Variants in TRIM22 observed in about 807,000 individuals in gnomAD.
TRIM22 encodes tripartite motif containing 22.
In TRIM22, 45 loss-of-function variants were observed where a neutral mutation model predicts 53.6. The ratio of observed to expected loss-of-function variants is 0.84; its 90% confidence interval spans 0.66 to 1.08. The LOEUF (loss-of-function observed/expected upper bound fraction) is 1.08, where lower values mean the gene tolerates loss of function less well. TRIM22 is among the 50% of genes least tolerant of loss of function. The pLI, the probability that TRIM22 is intolerant of heterozygous loss-of-function variation, is 0.00. For missense variants in TRIM22, 616 were observed against 590.9 expected (o/e 1.04, Z -0.44); for synonymous variants, 225 against 216.6 (o/e 1.04, Z -0.34).
At chr11:5,697,632 C>A (rs1023135857) in intron 3 of TRIM22, 3 of 332,698 alleles carry the variant, frequency 9.0e-6, no homozygotes, top group African/African-American at 4.2e-5. Flanking sequence ...AGGCTCCAAT[C>A]CTTCCAGTAA....
chr11:5,697,241 C>T lies in TRIM22; in HGVS notation c.424-7C>T, dbSNP rs746666286. ...AACTTTACTCTGGTATAATTTATTT[C>T]TTACAGGAAAAGCTGCAGGTAGCCC... On this transcript the variant is annotated splice_polypyrimidine_tract_variant and splice_region_variant and intron_variant, in intron 2 of 7. Transcript: ENST00000379965. 1 of 1,598,664 alleles carries T rather than the reference C, an allele frequency of 6.3e-7. No homozygotes were observed. The highest frequency in any genetic ancestry group is 1.8e-5 in the Admixed American group (1 of 57,052).
In TRIM22 at chr11:5,695,721, A is replaced by T. The variant is rs1332110174; in HGVS notation, c.-66-446A>T. On this transcript the variant is annotated intron_variant, in intron 1 of 7. Transcript: ENST00000379965. Reference sequence around the variant, plus strand: ...TGTAAATACAATTCAATAGCTTAAAAATATGCAAATATTCATGAATCATGC... The same window carrying T: ...TGTAAATACAATTCAATAGCTTAAATATATGCAAATATTCATGAATCATGC... 3.3e-5 allele frequency among the ~76,000 whole-genome samples: 5 copies of T among 152,208 alleles called. No homozygotes were observed. In the East Asian group the frequency reaches 9.6e-4, roughly 29 times the overall value.
At chr11:5,704,610 TAA>T (rs1853429298) in intron 4 of TRIM22, among the ~76,000 whole-genome samples, 1 of 152,124 alleles carries the variant, frequency 6.6e-6, no homozygotes, top group Non-Finnish European at 1.5e-5. Context: ...CTTCATAACT[TAA>T]AAGTGATTTT....
Position 5,709,512 on chromosome 11 carries a change from T to C in TRIM22, c.1361T>C (p.Val454Ala). 2.5e-6 allele frequency: 4 copies of C among 1,614,176 alleles called. No homozygotes were observed. Among genetic ancestry groups the C allele is most frequent in the Non-Finnish European group, 3.4e-6 (4 of 1,180,016 alleles). The change falls in exon 8 of 8, where the codon GTC (valine) becomes GCC (alanine). Residue 454 changes from valine (V) to alanine (A), a missense_variant. Transcript: ENST00000379965. ...TTCCTAGACTATGAGGCAGGCATTG[T>C]CTCATTTTTCAATGTCACAAACCAC... Reference protein sequence around the residue: ...GVFLDYEAGIVSFFNVTNHGA... With the variant: ...GVFLDYEAGIASFFNVTNHGA...
intron 2 of TRIM22, chr11:5,697,041 A>G (rs537145496): frequency 3.7e-6 from 2 of 544,700 alleles, no homozygotes; most frequent in Non-Finnish European, 6.4e-6. Context: ...GCTACTCTTG[A>G]TAAGAGGATG....
chr11:5,708,427 G>C (rs949873192), intron 6 of TRIM22, 150 bp from the exon 7 acceptor site: 1 of 966,156 alleles, frequency 1.0e-6, no homozygotes, highest in South Asian at 1.6e-5. Flanking sequence ...TGTCTTAGGG[G>C]GAATGACCAG....
In TRIM22 at chr11:5,697,237, A is replaced by G; in HGVS notation, c.424-11A>G. The G allele has an allele frequency of 6.3e-7, 1 of 1,595,122 alleles. No individual in the cohort carries two copies. Among genetic ancestry groups the G allele is most frequent in the Non-Finnish European group, 8.5e-7 (1 of 1,170,448 alleles). ...TCATAACTTTACTCTGGTATAATTT[A>G]TTTCTTACAGGAAAAGCTGCAGGTA... On this transcript the variant is annotated splice_polypyrimidine_tract_variant and intron_variant, in intron 2 of 7. Coordinates refer to ENST00000379965, the MANE Select transcript of TRIM22 (RefSeq NM_006074.5).
Position 5,709,534 on chromosome 11 carries a change from C to T in TRIM22, c.1383C>T (p.Asn461=). The T allele has an allele frequency of 1.9e-6, 3 of 1,614,124 alleles. No homozygotes were observed. The highest frequency in any genetic ancestry group is 2.5e-6 in the Non-Finnish European group (3 of 1,180,030). ...TTGTCTCATTTTTCAATGTCACAAA[C>T]CACGGAGCACTCATCTACAAGTTCT... ...AGIVSFFNVT[N]HGALIYKFSG... is the part of the protein sequence containing the mutation. The change falls in exon 8 of 8, where the codon AAC becomes AAT. Residue 461 remains asparagine (N), a synonymous_variant. Transcript: ENST00000379965.
chr11:5,694,927 T>A (rs1590311891), intron 1 of TRIM22, among the ~76,000 whole-genome samples: 1 of 152,152 alleles, frequency 6.6e-6, no homozygotes, highest in African/African-American at 2.4e-5. Flanking sequence ...AAAGGTCAGC[T>A]ATTGGGAAAC....
At position 5,709,769 on chromosome 11, in the gene TRIM22, A is replaced by G; in HGVS notation, c.*121A>G. On this transcript the variant is annotated 3_prime_UTR_variant, in exon 8 of 8. Coordinates refer to ENST00000379965, the MANE Select transcript of TRIM22 (RefSeq NM_006074.5). ...TTTCTTTCCCCTTCTTTTACTTAGA[A>G]TGTCTTTGTATTCATTTGCTAGGGC... 1 of 874,776 alleles carries G rather than the reference A, an allele frequency of 1.1e-6. No individual in the cohort carries two copies. Among genetic ancestry groups the G allele is most frequent in the Non-Finnish European group, 1.8e-6 (1 of 569,316 alleles). 54.2% of individuals were successfully genotyped at this position (874,776 alleles called of 1,614,324 possible).
chr11:5,698,675 C>A, intron 4 of TRIM22, 130 bp downstream of exon 4: 1 of 712,456 alleles, frequency 1.4e-6, no homozygotes, highest in Non-Finnish European at 2.4e-6. Flanking sequence ...GCCCGGCATG[C>A]CCCTTTTATG....
At chr11:5,694,090 C>G (rs185806164) in intron 1 of TRIM22, among the ~76,000 whole-genome samples, 1 of 152,206 alleles carries the variant, frequency 6.6e-6, no homozygotes, top group East Asian at 1.9e-4. Context: ...GGATAAGGGT[C>G]TACCCTAATG....
chr11:5,696,399 G>T lies in TRIM22; in HGVS notation c.167G>T (p.Cys56Phe). The change falls in exon 2 of 8, where the codon TGT (cysteine) becomes TTT (phenylalanine). Residue 56 changes from cysteine (C) to phenylalanine (F), a missense_variant. Cys to Phe is a radical substitution (Grantham distance 205). Transcript: ENST00000379965. ...SVIISRGESS[C>F]PVCQTRFQPG... Reference sequence around the variant, plus strand: ...ATCATCTCAAGAGGGGAAAGCAGCTGTCCTGTGTGTCAGACCAGATTCCAG... The same window carrying T: ...ATCATCTCAAGAGGGGAAAGCAGCTTTCCTGTGTGTCAGACCAGATTCCAG... 1 of 1,614,252 alleles carries T rather than the reference G, an allele frequency of 6.2e-7. No homozygotes were observed. The highest frequency in any genetic ancestry group is 8.5e-7 in the Non-Finnish European group (1 of 1,180,052).
chr11:5,698,275 C>G, intron 3 of TRIM22, 40 bp from the exon 4 acceptor site: 1 of 1,570,188 alleles, frequency 6.4e-7, no homozygotes, highest in Non-Finnish European at 8.8e-7. Flanking sequence ...AGGCCTTCAA[C>G]CAGCCAGACT....
chr11:5,707,812 AAAACAAAC>A (rs35942918), intron 5 of TRIM22, among the ~76,000 whole-genome samples: 5 of 151,712 alleles, frequency 3.3e-5, no homozygotes, highest in Non-Finnish European at 5.9e-5. Context: ...ACCCCATCTC[AAAACAAAC>A]AAACAAACAA....
intron 3 of TRIM22, chr11:5,697,877 G>C (rs1473184386): frequency 5.8e-6 from 1 of 173,794 alleles, no homozygotes; most frequent in Non-Finnish European, 1.3e-5. Flanking sequence ...CTAATTTTTT[G>C]TATTTTTAGT....
At chr11:5,708,973 A>C (rs988635929) in intron 7 of TRIM22, 80 bp from the exon 8 acceptor site, 4 of 1,155,290 alleles carry the variant, frequency 3.5e-6, no homozygotes, top group Admixed American at 2.2e-5. Flanking sequence ...CACAAGTTTC[A>C]TTTTCAATAT....
In TRIM22 at chr11:5,696,656, G is replaced by A. The variant is rs1853267628; in HGVS notation, c.423+1G>A. On this transcript the variant is annotated splice_donor_variant, in intron 2 of 7. Transcript: ENST00000379965. LOFTEE classifies it high-confidence loss of function. Reference sequence around the variant, plus strand: ...AAACGAGGTGGTCAAGGAATGTCAGGTAGGCTCCAAGATAGAGGAAGAGAG... The same window carrying A: ...AAACGAGGTGGTCAAGGAATGTCAGATAGGCTCCAAGATAGAGGAAGAGAG... The A allele has an allele frequency of 6.2e-7, 1 of 1,605,548 alleles. No individual in the cohort carries two copies. The highest frequency in any genetic ancestry group is 1.3e-5 in the African/African-American group (1 of 74,846).
chr11:5,692,850 G>A (rs1853194335), intron 1 of TRIM22, among the ~76,000 whole-genome samples: 1 of 143,810 alleles, frequency 7.0e-6, no homozygotes, highest in African/African-American at 2.5e-5. Flanking sequence ...TCTCCTTATT[G>A]TGTAGCCACA....
Sources: allele counts gnomAD v4.1 joint callset (sites outside exome capture counted in the v4.1 genomes callset), GRCh38; gene constraint gnomAD v4.1.1; transcripts MANE v1.5; gene names NCBI Gene and HGNC (gene_info 2026-07-23, HGNC 2026-07-21).